Variants in SCHIP1 observed in about 807,000 individuals in gnomAD.
The protein encoded by SCHIP1 is schwannomin-interacting protein 1.
A neutral mutation model predicts 29.7 loss-of-function variants in SCHIP1; 8 were observed. The observed-to-expected ratio is 0.27, with a 90% confidence interval of 0.16 to 0.49. The LOEUF (loss-of-function observed/expected upper bound fraction) is 0.49, where lower values mean the gene tolerates loss of function less well. Among genes scored for constraint, SCHIP1 ranks in the 20% least tolerant of loss-of-function variants. The pLI is 0.99. For missense variants in SCHIP1, 193 were observed against 294.6 expected (o/e 0.66, Z 2.52); for synonymous variants, 76 against 94.9 (o/e 0.80, Z 1.16).
chr3:159,505,617 CT>C, the SCHIP1 span, among the ~76,000 whole-genome samples: 1 of 152,178 alleles, frequency 6.6e-6, no homozygotes, highest in African/African-American at 2.4e-5. Flanking sequence ...TGCTATCCCC[CT>C]GGCCCCACCC....
the SCHIP1 span, among the ~76,000 whole-genome samples, chr3:159,298,000 T>A: frequency 2.0e-5 from 3 of 152,232 alleles, no homozygotes; most frequent in Admixed American, 1.3e-4. Flanking sequence ...GTGGTGCCAG[T>A]CTTCTGCTCA....
At chr3:159,583,718 T>C in the SCHIP1 span, among the ~76,000 whole-genome samples, 2 of 152,184 alleles carry the variant, frequency 1.3e-5, no homozygotes. Flanking sequence ...ATCAGTATCT[T>C]TGAGTCAATG....
At chr3:159,469,584 G>T in the SCHIP1 span, among the ~76,000 whole-genome samples, 1 of 152,110 alleles carries the variant, frequency 6.6e-6, no homozygotes, top group African/African-American at 2.4e-5. Flanking sequence ...GCAGGAGCAG[G>T]CGGGCCTTGG....
chr3:159,814,088 T>G, the SCHIP1 span, among the ~76,000 whole-genome samples: 1 of 152,258 alleles, frequency 6.6e-6, no homozygotes, highest in Non-Finnish European at 1.5e-5. Flanking sequence ...CAGCTGACAG[T>G]GCTCAGCTGA....
chr3:159,420,893 T>C, the SCHIP1 span, among the ~76,000 whole-genome samples: 3 of 152,316 alleles, frequency 2.0e-5, no homozygotes, highest in Admixed American at 2.0e-4. Flanking sequence ...GGCCATATGG[T>C]GTACAACTTT....
the SCHIP1 span, among the ~76,000 whole-genome samples, chr3:159,664,901 A>G: frequency 2.6e-5 from 4 of 152,256 alleles, no homozygotes; most frequent in Non-Finnish European, 1.5e-5. Context: ...TCTCTGCCCC[A>G]TGCAGATCTA....
chr3:159,763,989 G>A, the SCHIP1 span: 2 of 152,686 alleles, frequency 1.3e-5, no homozygotes, highest in East Asian at 3.9e-4. Flanking sequence ...GGCGGGGGGT[G>A]GTCTCAGCGC....
the SCHIP1 span, among the ~76,000 whole-genome samples, chr3:159,666,526 A>G: frequency 1.3e-5 from 2 of 152,330 alleles, no homozygotes; most frequent in Admixed American, 6.5e-5. Context: ...TTATATTTAT[A>G]TATGTACATA....
intron 2 of SCHIP1, among the ~76,000 whole-genome samples, chr3:159,875,636 C>T (rs189569700): frequency 6.6e-6 from 1 of 152,300 alleles, no homozygotes; most frequent in African/African-American, 2.4e-5. Context: ...TGACAGTGCT[C>T]CATTGAGAGT....
At chr3:159,756,739 C>A in the SCHIP1 span, among the ~76,000 whole-genome samples, 3 of 152,182 alleles carry the variant, frequency 2.0e-5, no homozygotes, top group Non-Finnish European at 4.4e-5. Context: ...TTAACAGCAC[C>A]TAAGTCACCT....
At chr3:159,423,843 A>C in the SCHIP1 span, among the ~76,000 whole-genome samples, 1 of 151,898 alleles carries the variant, frequency 6.6e-6, no homozygotes, top group Non-Finnish European at 1.5e-5. Flanking sequence ...ACACGGCCGG[A>C]TACTCCTCTG....
At chr3:159,889,171 T>C (rs562049224) in intron 5 of SCHIP1, among the ~76,000 whole-genome samples, 2 of 152,338 alleles carry the variant, frequency 1.3e-5, no homozygotes, top group East Asian at 3.9e-4. Flanking sequence ...GTCCCTTCTA[T>C]TTATTTTAAA....
At chr3:159,472,327 A>G in the SCHIP1 span, among the ~76,000 whole-genome samples, 1 of 152,184 alleles carries the variant, frequency 6.6e-6, no homozygotes, top group African/African-American at 2.4e-5. Flanking sequence ...GGGCTGTCCT[A>G]AGACCCTGTT....
chr3:159,722,362 G>A, the SCHIP1 span: 1 of 153,708 alleles, frequency 6.5e-6, no homozygotes, highest in Non-Finnish European at 1.5e-5. Context: ...ACTCTGAGTT[G>A]GCCTGGCACC....
chr3:159,401,697 CT>C, the SCHIP1 span, among the ~76,000 whole-genome samples: 1 of 152,146 alleles, frequency 6.6e-6, no homozygotes, highest in Non-Finnish European at 1.5e-5. Flanking sequence ...CTCCCCATTG[CT>C]TTGGTGTTTT....
chr3:159,602,598 A>G, the SCHIP1 span, among the ~76,000 whole-genome samples: 4 of 151,968 alleles, frequency 2.6e-5, no homozygotes, highest in African/African-American at 9.7e-5. Flanking sequence ...AATCCCAGCT[A>G]CTCGGGAGGC....
chr3:159,717,081 A>T, the SCHIP1 span, among the ~76,000 whole-genome samples: 6 of 152,286 alleles, frequency 3.9e-5, no homozygotes, highest in South Asian at 4.2e-4. Flanking sequence ...GGATTAAGAA[A>T]CTCACTCAAA....
the SCHIP1 span, among the ~76,000 whole-genome samples, chr3:159,406,625 C>T: frequency 1.3e-5 from 2 of 152,138 alleles, no homozygotes; most frequent in African/African-American, 4.8e-5. Context: ...GTAAACTAAA[C>T]ACATCTTGAA....
the SCHIP1 span, among the ~76,000 whole-genome samples, chr3:159,577,414 G>T: frequency 6.6e-6 from 1 of 152,292 alleles, no homozygotes; most frequent in East Asian, 1.9e-4. Flanking sequence ...TGTTCACTTT[G>T]CTGATGAGTG....
Sources: allele counts gnomAD v4.1 joint callset (sites outside exome capture counted in the v4.1 genomes callset), GRCh38; gene constraint gnomAD v4.1.1; transcripts MANE v1.5; gene names NCBI Gene and HGNC (gene_info 2026-07-23, HGNC 2026-07-21).